Variants in ATG10 observed in about 807,000 individuals in gnomAD.
ATG10 encodes the protein ubiquitin-like-conjugating enzyme ATG10.
ATG10 carries 30 observed loss-of-function variants against 32.1 expected under a neutral mutation model. That is an observed-to-expected ratio of 0.94 (90% CI 0.70 to 1.27). ATG10 has a LOEUF of 1.27. Among genes scored for constraint, ATG10 ranks in the 50% most tolerant of loss-of-function variants. ATG10 has a pLI of 0.00. For synonymous variants in ATG10, 87 were observed against 91.5 expected (o/e 0.95, Z 0.28); for missense variants, 233 against 262.3 (o/e 0.89, Z 0.77).
intron 1 of ATG10, among the ~76,000 whole-genome samples, chr5:81,973,944 T>A (rs1442261450): frequency 6.6e-6 from 1 of 152,200 alleles, no homozygotes; most frequent in Admixed American, 6.5e-5. Flanking sequence ...CCTGTTTTAT[T>A]TAGGATAAGG....
chr5:82,154,382 A>G (rs768899016), intron 3 of ATG10, among the ~76,000 whole-genome samples: 29 of 152,216 alleles, frequency 1.9e-4, no homozygotes, highest in Non-Finnish European at 3.5e-4. Context: ...AGTGTATCCT[A>G]TAACATTTTT....
chr5:82,124,908 AG>A (rs1364475085), intron 3 of ATG10, among the ~76,000 whole-genome samples: 2 of 152,258 alleles, frequency 1.3e-5, no homozygotes, highest in African/African-American at 4.8e-5. Flanking sequence ...TCCATCCACC[AG>A]TGTAAAAGCA....
chr5:82,160,558 T>G (rs1743282024), intron 3 of ATG10, among the ~76,000 whole-genome samples: 1 of 152,200 alleles, frequency 6.6e-6, no homozygotes, highest in African/African-American at 2.4e-5. Context: ...TATGTTTACT[T>G]CTATGAGAAA....
chr5:82,010,037 G>A (rs896094978), intron 2 of ATG10: 82 of 1,610,516 alleles, frequency 5.1e-5, no homozygotes, highest in Admixed American at 1.8e-4. Context: ...CAAAGGAGAC[G>A]CGGCCCAAGG....
intron 3 of ATG10, among the ~76,000 whole-genome samples, chr5:82,128,405 T>A (rs988591814): frequency 4.6e-5 from 7 of 152,132 alleles, no homozygotes; most frequent in African/African-American, 1.7e-4. Context: ...CAATTTTGTA[T>A]GTTTTTGCAG....
At chr5:82,099,801 T>C (rs547936899) in intron 3 of ATG10, among the ~76,000 whole-genome samples, 7 of 152,208 alleles carry the variant, frequency 4.6e-5, no homozygotes, top group African/African-American at 1.7e-4. Context: ...AAGACATTCA[T>C]TTCAAATCTG....
Position 82,255,084 on chromosome 5 carries a change from A to C in ATG10, c.*1021A>C, listed in dbSNP as rs1305904990. On this transcript the variant is annotated 3_prime_UTR_variant, in exon 8 of 8. Transcript: ENST00000282185. ...TAAAATTTCTTTTTGACCTATAGTA[A>C]TAAAACAATGGTCATTTTACCCCTC... 3 of 152,204 alleles carry C rather than the reference A, an allele frequency of 2.0e-5. No individual in the cohort carries two copies. The highest frequency in any genetic ancestry group is 4.4e-5 in the Non-Finnish European group (3 of 68,030). 9.4% of individuals were successfully genotyped at this position (152,204 alleles called of 1,614,324 possible). A position where few individuals can be genotyped will look rare whatever the true frequency, so the allele number is the denominator to read the frequency against.
intron 2 of ATG10, among the ~76,000 whole-genome samples, chr5:82,012,506 T>C (rs1239735470): frequency 1.3e-5 from 2 of 152,212 alleles, no homozygotes; most frequent in Non-Finnish European, 2.9e-5. Context: ...TAACTTCACA[T>C]AGGCAACCCT....
At chr5:82,018,316 A>G (rs1367173610) in intron 2 of ATG10, among the ~76,000 whole-genome samples, 1 of 152,030 alleles carries the variant, frequency 6.6e-6, no homozygotes, top group Admixed American at 6.6e-5. Flanking sequence ...TTCCCTTTTC[A>G]TAATATCCAG....
chr5:82,089,560 AC>A lies in ATG10; in HGVS notation c.216+30961del, dbSNP rs2149791462. ...CAAACACAAACAAAGAAACAAACAT[AC>A]CCTGACCTCAGTCTCACACATTTTA... On this transcript the variant is annotated intron_variant, in intron 3 of 7. Coordinates refer to ENST00000282185, the MANE Select transcript of ATG10 (RefSeq NM_031482.5). Among the ~76,000 whole-genome samples, 3 of 152,276 alleles carry A rather than the reference AC, an allele frequency of 2.0e-5. No homozygotes were observed. The East Asian group carries it at 5.8e-4, about 29-fold the overall frequency.
intron 4 of ATG10, among the ~76,000 whole-genome samples, chr5:82,176,285 A>G (rs1744017330): frequency 6.6e-6 from 1 of 152,132 alleles, no homozygotes; most frequent in African/African-American, 2.4e-5. Context: ...CAGCAGGAAG[A>G]GCATTGGTGA....
At chr5:82,120,452 C>T (rs555246627) in intron 3 of ATG10, among the ~76,000 whole-genome samples, 9 of 152,028 alleles carry the variant, frequency 5.9e-5, no homozygotes, top group Non-Finnish European at 1.2e-4. Context: ...TGGATTTGAA[C>T]ATGTATTTAG....
intron 2 of ATG10, among the ~76,000 whole-genome samples, chr5:82,027,525 G>A (rs1289842747): frequency 6.6e-6 from 1 of 152,070 alleles, no homozygotes; most frequent in Non-Finnish European, 1.5e-5. Flanking sequence ...TTACTTTTAT[G>A]AATTTTGATG....
At chr5:82,149,823 C>G (rs1050552304) in intron 3 of ATG10, among the ~76,000 whole-genome samples, 1 of 152,094 alleles carries the variant, frequency 6.6e-6, no homozygotes, top group Non-Finnish European at 1.5e-5. Flanking sequence ...TCTGTCTGTC[C>G]TATGGGAAGG....
intron 3 of ATG10, among the ~76,000 whole-genome samples, chr5:82,097,809 A>G (rs1259312435): frequency 6.6e-6 from 1 of 152,224 alleles, no homozygotes; most frequent in Non-Finnish European, 1.5e-5. Flanking sequence ...CCCCAAAAGC[A>G]ATGTGTCTGA....
chr5:82,117,968 T>C (rs574999167), intron 3 of ATG10, among the ~76,000 whole-genome samples: 1 of 151,938 alleles, frequency 6.6e-6, no homozygotes, highest in African/African-American at 2.4e-5. Flanking sequence ...GATTGGGCCA[T>C]AAGAGGAGAT....
At chr5:82,186,042 AC>A (rs1376117378) in intron 5 of ATG10, among the ~76,000 whole-genome samples, 1 of 152,170 alleles carries the variant, frequency 6.6e-6, no homozygotes, top group African/African-American at 2.4e-5. Context: ...AATTTAGTGC[AC>A]CTGGTAGTAT....
chr5:81,978,470 GTACTAGTCC>G (rs1286987635), intron 1 of ATG10, among the ~76,000 whole-genome samples: 1 of 152,100 alleles, frequency 6.6e-6, no homozygotes, highest in East Asian at 1.9e-4. Flanking sequence ...AGAGTTTGTT[GTACTAGTCC>G]TACTACCCAC....
At chr5:82,116,837 C>G (rs1348695596) in intron 3 of ATG10, among the ~76,000 whole-genome samples, 3 of 151,966 alleles carry the variant, frequency 2.0e-5, no homozygotes, top group Admixed American at 6.6e-5. Context: ...TATGGGTATT[C>G]TGATGTTTTT....
Sources: allele counts gnomAD v4.1 joint callset (sites outside exome capture counted in the v4.1 genomes callset), GRCh38; gene constraint gnomAD v4.1.1; transcripts MANE v1.5; gene names NCBI Gene and HGNC (gene_info 2026-07-23, HGNC 2026-07-21).